KNCN: variants seen among roughly 807,000 people sequenced by gnomAD.
KNCN encodes kinocilin.
A neutral mutation model predicts 10.4 loss-of-function variants in KNCN; 11 were observed. That is an observed-to-expected ratio of 1.06 (90% CI 0.67 to 1.75). KNCN has a LOEUF of 1.75. Ranked by LOEUF, KNCN falls within the 40% of genes most tolerant of loss-of-function variation. KNCN has a pLI of 0.00. For missense variants in KNCN, 172 were observed against 167.1 expected, an observed-to-expected ratio of 1.03 and a Z score of -0.16; for synonymous variants, 67 against 71.6, an observed-to-expected ratio of 0.94 and a Z score of 0.33.
At position 46,549,206 on chromosome 1, in the gene KNCN, A is replaced by T. The variant is rs778172170; in HGVS notation, c.282T>A (p.Asn94Lys). 1.2e-6 allele frequency: 2 copies of T among 1,611,788 alleles called. No homozygotes were observed. Among genetic ancestry groups the T allele is most frequent in the Non-Finnish European group, 1.7e-6 (2 of 1,178,998 alleles). Reference sequence around the variant, plus strand: ...TCTGGAACTTACCTTCCTTGTTGCCATTGGTGCTGGATCTTCCTTCCCCGT... The same window carrying T: ...TCTGGAACTTACCTTCCTTGTTGCCTTTGGTGCTGGATCTTCCTTCCCCGT... The part of the protein sequence containing the change: ...ADHGEGRSST[N>K]GNKEGARSSL... Residue 94 changes from asparagine (N) to lysine (K), a missense_variant, in exon 3 of 4, where the codon AAT becomes AAA. By Grantham distance (94) the Asn-to-Lys change is moderately conservative. Transcript: ENST00000481882.
chr1:46,549,533 GGAGATGGCAGCCTGTATGTGGGGAGCT>G, intron 2 of KNCN, among the ~76,000 whole-genome samples: 1 of 152,258 alleles, frequency 6.6e-6, no homozygotes. Flanking sequence ...TAGGATTGGT[GGAGATGGCAGCCTGTATGTGGGGAGCT>G]GAGATGAGGT....
At chr1:46,548,945 A>G (rs942575986) in intron 3 of KNCN, among the ~76,000 whole-genome samples, 1 of 152,176 alleles carries the variant, frequency 6.6e-6, no homozygotes. Flanking sequence ...GTTCGAGACC[A>G]GCCTGACCAA....
In KNCN at chr1:46,550,430, C is replaced by T. The variant is rs114832342; in HGVS notation, c.152-428G>A. ...GAGCCAGTCCTGCCTTGCCCGCCCC[C>T]GCTCCATCCCCCGATGAGCATCTGT... On this transcript the variant is annotated intron_variant, in intron 1 of 3. Coordinates refer to ENST00000481882, the MANE Select transcript of KNCN (RefSeq NM_001322255.2). Among the ~76,000 whole-genome samples, 522 of 152,246 alleles carry T rather than the reference C, an allele frequency of 3.4e-3. 2 individuals are homozygous for T. The highest frequency in any genetic ancestry group is 0.012 in the African/African-American group (488 of 41,550).
At chr1:46,547,955 T>C (rs936156787) in intron 3 of KNCN, 146 bp from the exon 4 acceptor site, 6 of 555,178 alleles carry the variant, frequency 1.1e-5, no homozygotes, top group Non-Finnish European at 1.9e-5. Context: ...GAGGGGAGCA[T>C]CCCAGGGGAC....
chr1:46,547,565 C>G lies in KNCN; in HGVS notation c.*165G>C. On this transcript the variant is annotated 3_prime_UTR_variant, in exon 4 of 4. Transcript: ENST00000481882. ...GGAATCCATTTTGGAGAGGCTTGGC[C>G]GGGCGAGTGCAAAAGGCCCCATTCC... 1.4e-6 allele frequency: 1 copy of G among 717,612 alleles called. No homozygotes were observed. The highest frequency in any genetic ancestry group is 1.5e-5 in the South Asian group (1 of 66,900). The allele number at this position is 717,612 out of a possible 1,614,324, so 44.5% of individuals were successfully genotyped here. A position where few individuals can be genotyped will look rare whatever the true frequency, so the allele number is the denominator to read the frequency against.
chr1:46,547,354 G>T lies in KNCN; in HGVS notation c.*376C>A, dbSNP rs1666963985. The T allele has an allele frequency of 2.0e-6, 1 of 487,806 alleles. No individual in the cohort carries two copies. Among genetic ancestry groups the T allele is most frequent in the South Asian group, 1.5e-5 (1 of 64,736 alleles). The allele number at this position is 487,806 out of a possible 1,614,324, so 30.2% of individuals were successfully genotyped here. Reference sequence around the variant, plus strand: ...CTTCTGTAGCCGGGTTAGAGCAAGGGACTGGGGCATCCTGGTCATAGTCAG... The same window carrying T: ...CTTCTGTAGCCGGGTTAGAGCAAGGTACTGGGGCATCCTGGTCATAGTCAG... On this transcript the variant is annotated 3_prime_UTR_variant, in exon 4 of 4. Coordinates refer to ENST00000481882, the MANE Select transcript of KNCN (RefSeq NM_001322255.2).
In KNCN at chr1:46,547,664, G is replaced by A. The variant is rs536460472; in HGVS notation, c.*66C>T. ...CGGTCCGGGTCTCCTAACCCAGGAG[G>A]GCACTGACATAGGGGCAGCAGGCAG... On this transcript the variant is annotated 3_prime_UTR_variant, in exon 4 of 4. Coordinates refer to ENST00000481882, the MANE Select transcript of KNCN (RefSeq NM_001322255.2). The A allele has an allele frequency of 3.2e-6, 4 of 1,247,190 alleles. No individual in the cohort carries two copies. In the South Asian group the frequency reaches 5.2e-5, roughly 16 times the overall value. 77.3% of individuals were successfully genotyped at this position (1,247,190 alleles called of 1,614,324 possible).
intron 2 of KNCN, chr1:46,549,672 G>A: frequency 1.7e-6 from 1 of 589,950 alleles, no homozygotes; most frequent in Non-Finnish European, 3.0e-6. Context: ...GAGGCTTTGG[G>A]GAGTCATAAA....
Position 46,547,480 on chromosome 1 carries a change from C to T in KNCN, c.*250G>A. 1.5e-6 allele frequency: 1 copy of T among 688,792 alleles called. No homozygotes were observed. The highest frequency in any genetic ancestry group is 2.7e-6 in the Non-Finnish European group (1 of 375,478). 42.7% of individuals were successfully genotyped at this position (688,792 alleles called of 1,614,324 possible). Reference sequence around the variant, plus strand: ...GAAAGGCCAGGGCAGGAGCCTGAAACATGGGAACCCTGTGGGGGCGTCCGG... The same window carrying T: ...GAAAGGCCAGGGCAGGAGCCTGAAATATGGGAACCCTGTGGGGGCGTCCGG... On this transcript the variant is annotated 3_prime_UTR_variant, in exon 4 of 4. Transcript: ENST00000481882.
Position 46,549,209 on chromosome 1 carries a change from G to C in KNCN, c.279C>G (p.Thr93=). The change falls in exon 3 of 4, where the codon ACC becomes ACG. Residue 93 remains threonine (T), a synonymous_variant. Transcript: ENST00000481882. ...GGAACTTACCTTCCTTGTTGCCATT[G>C]GTGCTGGATCTTCCTTCCCCGTGGT... is the stretch of plus-strand genomic sequence containing the variant. ...GADHGEGRSS[T]NGNKEGARSS... The C allele has an allele frequency of 1.9e-6, 3 of 1,612,466 alleles. No individual in the cohort carries two copies. Among genetic ancestry groups the C allele is most frequent in the East Asian group, 4.5e-5 (2 of 44,856 alleles).
chr1:46,546,347 G>A lies in KNCN; in HGVS notation c.*1383C>T, dbSNP rs1166669716. The A allele has an allele frequency of 6.6e-6, 1 of 152,226 alleles. No homozygotes were observed. Among genetic ancestry groups the A allele is most frequent in the Non-Finnish European group, 1.5e-5 (1 of 68,068 alleles). The allele number at this position is 152,226 out of a possible 1,614,324, so 9.4% of individuals were successfully genotyped here. On this transcript the variant is annotated 3_prime_UTR_variant, in exon 4 of 4. Coordinates refer to ENST00000481882, the MANE Select transcript of KNCN (RefSeq NM_001322255.2). ...GCCCTCTGCTCCCACTCTCAAGAGGGGAAATAGACAAAGGCCACTCAGATT... is the reference window on the plus strand; with the variant it reads ...GCCCTCTGCTCCCACTCTCAAGAGGAGAAATAGACAAAGGCCACTCAGATT...
At chr1:46,549,902 A>G (rs1443598621) in intron 2 of KNCN, 32 bp downstream of exon 2, 2 of 1,550,556 alleles carry the variant, frequency 1.3e-6, no homozygotes, top group Admixed American at 3.9e-5. Context: ...TCCTTGGCAG[A>G]GGGGTCTGCT....
At chr1:46,549,841 A>G in intron 2 of KNCN, 93 bp downstream of exon 2, 1 of 1,547,056 alleles carries the variant, frequency 6.5e-7, no homozygotes, top group Non-Finnish European at 8.7e-7. Context: ...ACATGGGCTC[A>G]TCCCAGCCAC....
rs1666950164 is a variant in KNCN, at chr1:46,546,746, CA to C, written c.*983del. ...ACTGGTCTGGTGCTAGACACTAGAGCAGGGGCAACGTTCAGTAGACTTAAGA... is the reference window on the plus strand; with the variant it reads ...ACTGGTCTGGTGCTAGACACTAGAGCGGGGCAACGTTCAGTAGACTTAAGA... On this transcript the variant is annotated 3_prime_UTR_variant, in exon 4 of 4. Transcript: ENST00000481882. 6.5e-6 allele frequency: 1 copy of C among 153,420 alleles called. No homozygotes were observed. Among genetic ancestry groups the C allele is most frequent in the African/African-American group, 2.4e-5 (1 of 41,436 alleles). 9.5% of individuals were successfully genotyped at this position (153,420 alleles called of 1,614,324 possible).
At position 46,549,226 on chromosome 1, in the gene KNCN, C is replaced by G; in HGVS notation, c.262G>C (p.Glu88Gln). 6.2e-7 allele frequency: 1 copy of G among 1,613,366 alleles called. No individual in the cohort carries two copies. The highest frequency in any genetic ancestry group is 1.1e-5 in the South Asian group (1 of 90,976). Reference sequence around the variant, plus strand: ...TTGCCATTGGTGCTGGATCTTCCTTCCCCGTGGTCTGCCCCTGGATGGGGA... The same window carrying G: ...TTGCCATTGGTGCTGGATCTTCCTTGCCCGTGGTCTGCCCCTGGATGGGGA... Reference protein sequence around the residue: ...IHPHPGADHGEGRSSTNGNKE... With the variant: ...IHPHPGADHGQGRSSTNGNKE... The change falls in exon 3 of 4, where the codon GAA (glutamate) becomes CAA (glutamine). Residue 88 changes from glutamate to glutamine, a missense_variant. Coordinates refer to ENST00000481882, the MANE Select transcript of KNCN (RefSeq NM_001322255.2).
rs1252602692 is a variant in KNCN, at chr1:46,546,053, A to G, written c.*1677T>C. On this transcript the variant is annotated 3_prime_UTR_variant, in exon 4 of 4. Coordinates refer to ENST00000481882, the MANE Select transcript of KNCN (RefSeq NM_001322255.2). ...AACGAAGTCTCTACACCTAGCCAGC[A>G]TTTGTGGAAGGCAGCCCCTTCATGG... 1.3e-5 allele frequency: 2 copies of G among 152,244 alleles called. No individual in the cohort carries two copies. Among genetic ancestry groups the G allele is most frequent in the South Asian group, 2.1e-4 (1 of 4,836 alleles). The allele number at this position is 152,244 out of a possible 1,614,324, so 9.4% of individuals were successfully genotyped here.
At chr1:46,549,818 A>G (rs1667028389) in intron 2 of KNCN, 116 bp downstream of exon 2, 1 of 1,450,454 alleles carries the variant, frequency 6.9e-7, no homozygotes, top group East Asian at 4.3e-5. Flanking sequence ...ACAGACAGCT[A>G]GCGCGGTCTC....
At position 46,551,361 on chromosome 1, in the gene KNCN, C is replaced by G; in HGVS notation, c.-146G>C. On this transcript the variant is annotated 5_prime_UTR_variant, in exon 1 of 4. Transcript: ENST00000481882. This position sits in a 1 kb window ranked among gnomAD's most constrained non-coding sequence, Gnocchi z 4.0. The stretch of plus-strand genomic sequence containing the variant: ...GGCAGTAAGATGATAGGTGGGGAAC[C>G]CTGGGATTTATCTGCAGTCCTATTC... The G allele has an allele frequency of 1.2e-6, 1 of 846,712 alleles. No homozygotes were observed. The highest frequency in any genetic ancestry group is 1.8e-6 in the Non-Finnish European group (1 of 568,428). 52.4% of individuals were successfully genotyped at this position (846,712 alleles called of 1,614,324 possible).
At chr1:46,549,626 G>T in intron 2 of KNCN, 1 of 554,564 alleles carries the variant, frequency 1.8e-6, no homozygotes, top group Non-Finnish European at 3.2e-6. Flanking sequence ...TTTCATGGGG[G>T]CTCAGGGATG....
Sources: allele counts gnomAD v4.1 joint callset (sites outside exome capture counted in the v4.1 genomes callset), GRCh38; gene constraint gnomAD v4.1.1; non-coding constraint Gnocchi (gnomAD v3.1); transcripts MANE v1.5; gene names NCBI Gene and HGNC (gene_info 2026-07-23, HGNC 2026-07-21).